ATP2B3: variants seen among roughly 807,000 people sequenced by gnomAD.
The protein encoded by ATP2B3 is ATPase plasma membrane Ca2+ transporting 3, also known as plasma membrane calcium-transporting ATPase 3.
Under a neutral mutation model 70.8 loss-of-function variants are expected in ATP2B3, and 12 were observed. The ratio of observed to expected loss-of-function variants is 0.17; its 90% confidence interval spans 0.11 to 0.27. The LOEUF is 0.27. Ranked by LOEUF, ATP2B3 falls within the 10% of genes least tolerant of loss-of-function variation. ATP2B3 has a pLI of 1.00. For missense variants in ATP2B3, 858 were observed against 1,118.5 expected (o/e 0.77, Z 3.32); for synonymous variants, 460 against 497.8 (o/e 0.92, Z 1.01).
At chrX:153,574,509 G>C (rs903135257) in intron 21 of ATP2B3, among the ~76,000 whole-genome samples, 1 of 111,587 alleles carries the variant, frequency 9.0e-6, no homozygotes, top group Non-Finnish European at 1.9e-5. Flanking sequence ...CCCTCGGGTC[G>C]GCTGGTGCCC....
chrX:153,533,680 C>G (rs782040413), intron 2 of ATP2B3, among the ~76,000 whole-genome samples: 7 of 110,280 alleles, frequency 6.3e-5, no homozygotes, highest in African/African-American at 2.0e-4. Flanking sequence ...CAGGGCCAGC[C>G]GAGGAGAAGG....
intron 2 of ATP2B3, among the ~76,000 whole-genome samples, chrX:153,522,279 G>A (rs1030481301): frequency 1.8e-5 from 2 of 112,626 alleles, no homozygotes; most frequent in Admixed American, 1.9e-4. Context: ...CAGGGGAGAC[G>A]ACGGAAAGCA....
rs185355571 is a variant in ATP2B3, at chrX:153,534,221, C to T, written c.-126-1901C>T. Among the ~76,000 whole-genome samples, 7 of 111,513 alleles carry T rather than the reference C, an allele frequency of 6.3e-5. No homozygotes were observed. In the Admixed American group the frequency reaches 6.6e-4, roughly 11 times the overall value. ...GGGAGGGGAGGCTGTCTCGAGAAGA[C>T]GAGGAGTCCAGGTGAGAGCCGAAAG... On this transcript the variant is annotated intron_variant, in intron 2 of 21. Coordinates refer to ENST00000263519, the MANE Select transcript of ATP2B3 (RefSeq NM_001001344.3).
intron 2 of ATP2B3, among the ~76,000 whole-genome samples, chrX:153,521,426 G>A (rs975054136): frequency 4.4e-5 from 5 of 112,849 alleles, no homozygotes; most frequent in African/African-American, 1.6e-4. Flanking sequence ...CAAGTCCAAG[G>A]TCACATGGCT....
At chrX:153,546,610 A>G (rs2090370522) in intron 8 of ATP2B3, among the ~76,000 whole-genome samples, 1 of 113,093 alleles carries the variant, frequency 8.8e-6, no homozygotes, top group Admixed American at 9.2e-5. Flanking sequence ...GCAGGTGCCG[A>G]CACCCTGGGG....
chrX:153,518,778 C>G (rs1278978223), intron 2 of ATP2B3, among the ~76,000 whole-genome samples: 6 of 111,659 alleles, frequency 5.4e-5, no homozygotes, highest in Non-Finnish European at 1.1e-4. Context: ...AATGCTCCTT[C>G]GCTCACTCAA....
chrX:153,528,510 G>T lies in ATP2B3; in HGVS notation c.-126-7612G>T, dbSNP rs113467650. 3.0e-3 allele frequency among the ~76,000 whole-genome samples: 339 copies of T among 111,976 alleles called. 1 individual carries two copies. The highest frequency in any genetic ancestry group is 0.01 in the African/African-American group (314 of 30,837). On this transcript the variant is annotated intron_variant, in intron 2 of 21. Transcript: ENST00000263519. ...GGTAGGTCCTGGAGACCTCAGGGAG[G>T]CCTCCTGGCTCTCCCAGAACCAGGC...
chrX:153,571,461 C>A (rs1312829650), intron 21 of ATP2B3, among the ~76,000 whole-genome samples: 1 of 112,481 alleles, frequency 8.9e-6, no homozygotes, highest in Non-Finnish European at 1.9e-5. Flanking sequence ...GTTCCTCGAG[C>A]CTTCTCCACA....
In ATP2B3 at chrX:153,560,703, G is replaced by A; in HGVS notation, c.2867G>A (p.Gly956Glu). Residue 956 changes from glycine to glutamate, a missense_variant, in exon 19 of 22, where the codon GGG becomes GAG. By Grantham distance (98) the Gly-to-Glu change is moderately conservative (BLOSUM62 -2). Around this residue, in one of 5 missense-constraint regions of ATP2B3, gnomAD observed 265 missense variants for 305.3 expected, o/e 0.87. Transcript: ENST00000263519. Reference sequence around the variant, plus strand: ...GAGCTCTTCTTCGACATCGACAGCGGGAGGAATGCGCCCCTGCACTCGCCA... The same window carrying A: ...GAGCTCTTCTTCGACATCGACAGCGAGAGGAATGCGCCCCTGCACTCGCCA... ...VGELFFDIDS[G>E]RNAPLHSPPS... The A allele has an allele frequency of 8.3e-7, 1 of 1,212,013 alleles. No homozygotes were observed.
At chrX:153,570,330 G>A (rs1557019527) in intron 21 of ATP2B3, among the ~76,000 whole-genome samples, 1 of 112,646 alleles carries the variant, frequency 8.9e-6, no homozygotes, top group African/African-American at 3.2e-5. Flanking sequence ...TGGGCTCAGT[G>A]CTGACCAATC....
chrX:153,577,682 C>T (rs868964251), intron 21 of ATP2B3, among the ~76,000 whole-genome samples: 6 of 112,569 alleles, frequency 5.3e-5, no homozygotes, highest in East Asian at 2.8e-4. Context: ...GACCATCTGC[C>T]GTCTGGCAGA....
chrX:153,523,884 C>T (rs1189415029), intron 2 of ATP2B3, among the ~76,000 whole-genome samples: 1 of 109,475 alleles, frequency 9.1e-6, no homozygotes, highest in African/African-American at 3.3e-5. Context: ...TTAATAGACC[C>T]GGGGTTTTAC....
chrX:153,576,942 C>T (rs1557021501), intron 21 of ATP2B3, among the ~76,000 whole-genome samples: 1 of 112,470 alleles, frequency 8.9e-6, no homozygotes, highest in African/African-American at 3.2e-5. Flanking sequence ...AACACCAAAA[C>T]ATTGTTTAAT....
At chrX:153,573,768 G>A (rs1557020593) in intron 21 of ATP2B3, among the ~76,000 whole-genome samples, 1 of 112,476 alleles carries the variant, frequency 8.9e-6, no homozygotes, top group East Asian at 2.8e-4. Flanking sequence ...CTTCCTCCTG[G>A]GTCCTCTTTA....
At chrX:153,529,972 G>A (rs912871770) in intron 2 of ATP2B3, among the ~76,000 whole-genome samples, 1 of 112,831 alleles carries the variant, frequency 8.9e-6, no homozygotes, top group Non-Finnish European at 1.9e-5. Context: ...CCTATCCATG[G>A]ACATTGGGTT....
Position 153,580,113 on chromosome X carries a change from G to A in ATP2B3, c.3478G>A (p.Asp1160Asn), listed in dbSNP as rs782631785. 2.5e-6 allele frequency: 3 copies of A among 1,212,133 alleles called. No homozygotes were observed. The highest frequency in any genetic ancestry group is 3.3e-6 in the Non-Finnish European group (3 of 895,617). The change falls in exon 22 of 22, where the codon GAC becomes AAC. Residue 1160 changes from aspartate (D) to asparagine (N), a missense_variant. Asp to Asn is a conservative substitution (Grantham distance 23, BLOSUM62 1). Coordinates refer to ENST00000263519, the MANE Select transcript of ATP2B3 (RefSeq NM_001001344.3). ...CTACACCCACAACATCCCGCTCATT[G>A]ACGACACGGACGTGGACGAGAACGA... ...NDYTHNIPLIDDTDVDENEER... is the reference protein window; with the variant it reads ...NDYTHNIPLINDTDVDENEER...
At chrX:153,576,216 C>A (rs1256674813) in intron 21 of ATP2B3, among the ~76,000 whole-genome samples, 1 of 111,058 alleles carries the variant, frequency 9.0e-6, no homozygotes, top group Non-Finnish European at 1.9e-5. Flanking sequence ...TCGGAAACTC[C>A]ACCTAGAGAA....
intron 20 of ATP2B3, among the ~76,000 whole-genome samples, chrX:153,563,122 C>T (rs1370294270): frequency 9.9e-6 from 1 of 101,012 alleles, no homozygotes; most frequent in African/African-American, 3.6e-5. Flanking sequence ...CAGTCCATAG[C>T]ATTCTGGCTT....
chrX:153,542,546 C>T, intron 6 of ATP2B3, 98 bp downstream of exon 6: 1 of 1,069,246 alleles, frequency 9.4e-7, no homozygotes, highest in Non-Finnish European at 1.3e-6. Context: ...CAGCCTCCAC[C>T]TCCACCAGGG....
Sources: allele counts gnomAD v4.1 joint callset (sites outside exome capture counted in the v4.1 genomes callset), GRCh38; gene constraint gnomAD v4.1.1; regional missense constraint gnomAD v4.1.1; transcripts MANE v1.5; gene names NCBI Gene and HGNC (gene_info 2026-07-23, HGNC 2026-07-21).